The following TMEM26 variants were observed in gnomAD, a reference collection of about 807,000 sequenced individuals.
The protein encoded by TMEM26 is transmembrane protein 26.
In TMEM26, 38 loss-of-function variants were observed where a neutral mutation model predicts 28.8. The observed-to-expected ratio is 1.32, with a 90% CI of 1.02 to 1.73. The LOEUF is 1.73. Ranked by LOEUF, TMEM26 falls within the 40% of genes most tolerant of loss-of-function variation. The pLI is 0.00. For synonymous variants in TMEM26, 227 were observed against 182.9 expected (o/e 1.24, Z -1.95); for missense variants, 518 against 447.1 (o/e 1.16, Z -1.43).
intron 5 of TMEM26, among the ~76,000 whole-genome samples, 199 bp from the exon 6 acceptor site, chr10:61,410,945 G>C (rs117209081): frequency 6.6e-6 from 1 of 152,104 alleles, no homozygotes; most frequent in Non-Finnish European, 1.5e-5. Flanking sequence ...CCTGTGACTC[G>C]CATCCACATA....
chr10:61,410,136 A>T lies in TMEM26; in HGVS notation c.*186T>A, dbSNP rs1839543933. On this transcript the variant is annotated 3_prime_UTR_variant, in exon 6 of 6. Transcript: ENST00000399298. ...ACCATCACACAGAAGTTGTAGCAAT[A>T]GTCACTAATCAAAGTTCCTTCTATT... 1 of 611,072 alleles carries T rather than the reference A, an allele frequency of 1.6e-6. No individual in the cohort carries two copies. Among genetic ancestry groups the T allele is most frequent in the Admixed American group, 3.0e-5 (1 of 33,242 alleles). The allele number at this position is 611,072 out of a possible 1,614,324, so 37.9% of individuals were successfully genotyped here. A position where few individuals can be genotyped will look rare whatever the true frequency, so the allele number is the denominator to read the frequency against.
Position 61,409,503 on chromosome 10 carries a change from T to G in TMEM26, c.*819A>C, listed in dbSNP as rs1461865382. 2.0e-5 allele frequency: 3 copies of G among 152,194 alleles called. No individual in the cohort carries two copies. Among genetic ancestry groups the G allele is most frequent in the Non-Finnish European group, 4.4e-5 (3 of 68,058 alleles). 9.4% of individuals were successfully genotyped at this position (152,194 alleles called of 1,614,324 possible). A position where few individuals can be genotyped will look rare whatever the true frequency, so the allele number is the denominator to read the frequency against. On this transcript the variant is annotated 3_prime_UTR_variant, in exon 6 of 6. Transcript: ENST00000399298. ...CAGAGCTTCCCTGCATCAGCCCACA[T>G]GATTCAACTTGGCAATATAGAAAAT...
At chr10:61,412,435 A>T (rs868216823) in intron 5 of TMEM26, among the ~76,000 whole-genome samples, 1 of 152,180 alleles carries the variant, frequency 6.6e-6, no homozygotes, top group African/African-American at 2.4e-5. Flanking sequence ...ACCAAAAAAG[A>T]TGGAGAAAAA....
At chr10:61,429,227 C>A in intron 3 of TMEM26, 81 bp from the exon 4 acceptor site, 1 of 1,206,520 alleles carries the variant, frequency 8.3e-7, no homozygotes, top group South Asian at 1.3e-5. Flanking sequence ...TGCTTTCAAT[C>A]AAGAGTTTGC....
chr10:61,447,538 G>T (rs1840204685), intron 1 of TMEM26, among the ~76,000 whole-genome samples: 2 of 152,256 alleles, frequency 1.3e-5, no homozygotes, highest in African/African-American at 4.8e-5. Context: ...TCTGTTTTCA[G>T]CTGTGAGCCA....
chr10:61,432,714 G>A (rs541147400), intron 2 of TMEM26, among the ~76,000 whole-genome samples: 1 of 151,876 alleles, frequency 6.6e-6, no homozygotes. Flanking sequence ...ATACATCGTC[G>A]ACTATTCTAT....
rs1289981125 is a variant in TMEM26 at position 61,409,357 on chromosome 10, G to C, written c.*965C>G. ...AACCCTCCATCACCATGTTCCCTGA[G>C]AGCAAAGGCCACTTCCAGTAGTCGC... On this transcript the variant is annotated 3_prime_UTR_variant, in exon 6 of 6. Transcript: ENST00000399298. The C allele has an allele frequency of 2.0e-5, 3 of 152,198 alleles. No individual in the cohort carries two copies. Among genetic ancestry groups the C allele is most frequent in the African/African-American group, 7.2e-5 (3 of 41,416 alleles). The allele number at this position is 152,198 out of a possible 1,614,324, so 9.4% of individuals were successfully genotyped here.
At chr10:61,430,532 T>C (rs1185709601) in intron 3 of TMEM26, among the ~76,000 whole-genome samples, 1 of 151,198 alleles carries the variant, frequency 6.6e-6, no homozygotes, top group Non-Finnish European at 1.5e-5. Flanking sequence ...CTGTTCACAG[T>C]TGACATAATT....
intron 4 of TMEM26, chr10:61,414,856 A>T: frequency 2.9e-6 from 1 of 343,370 alleles, no homozygotes; most frequent in Non-Finnish European, 4.1e-6. Context: ...TTGATGACAG[A>T]CATTCAGATT....
chr10:61,449,575 G>A (rs904046464), intron 1 of TMEM26, among the ~76,000 whole-genome samples: 10 of 152,150 alleles, frequency 6.6e-5, no homozygotes, highest in African/African-American at 2.2e-4. Context: ...GATTGGACTC[G>A]TTTGGGTCCA....
chr10:61,439,971 G>A (rs1368195027), intron 1 of TMEM26, among the ~76,000 whole-genome samples: 1 of 152,176 alleles, frequency 6.6e-6, no homozygotes, highest in African/African-American at 2.4e-5. Context: ...CGTGCACAGT[G>A]CCTCATGCCT....
rs199585485 is a variant in TMEM26, at chr10:61,443,507, T to C, written c.192-7259A>G. On this transcript the variant is annotated intron_variant, in intron 1 of 5. Transcript: ENST00000399298. ...CAAGATCGGTGGATAGGTTTGTTTATTCAGTGATCTTAAGGATAGACCAGA... is the reference window on the plus strand; with the variant it reads ...CAAGATCGGTGGATAGGTTTGTTTACTCAGTGATCTTAAGGATAGACCAGA... Among the ~76,000 whole-genome samples, 4 of 151,028 alleles carry C rather than the reference T, an allele frequency of 2.6e-5. No homozygotes were observed. The East Asian group carries it at 7.8e-4, about 29-fold the overall frequency.
At chr10:61,450,936 A>G (rs1840267862) in intron 1 of TMEM26, among the ~76,000 whole-genome samples, 1 of 152,336 alleles carries the variant, frequency 6.6e-6, no homozygotes, top group South Asian at 2.1e-4. Flanking sequence ...TTGCTTTCTT[A>G]TTCATCACCA....
At chr10:61,413,662 A>G (rs1839606378) in intron 4 of TMEM26, 127 bp from the exon 5 acceptor site, 3 of 1,335,002 alleles carry the variant, frequency 2.2e-6, no homozygotes, top group East Asian at 5.5e-5. Flanking sequence ...TGGTGATTTA[A>G]TAAATCAATG....
At chr10:61,438,438 A>T (rs1356534194) in intron 1 of TMEM26, among the ~76,000 whole-genome samples, 2 of 152,172 alleles carry the variant, frequency 1.3e-5, no homozygotes, top group Admixed American at 6.5e-5. Context: ...GGAGACATGA[A>T]ATGTTGGCTG....
intron 2 of TMEM26, among the ~76,000 whole-genome samples, chr10:61,434,995 T>A (rs915600981): frequency 3.9e-5 from 6 of 152,184 alleles, no homozygotes; most frequent in African/African-American, 1.4e-4. Flanking sequence ...TGTAACATAG[T>A]CCTGTAACCT....
At chr10:61,435,094 T>A (rs1050196228) in intron 2 of TMEM26, among the ~76,000 whole-genome samples, 2 of 152,202 alleles carry the variant, frequency 1.3e-5, no homozygotes. Context: ...AGTATATGAC[T>A]GCACTCAACC....
At chr10:61,445,488 C>T (rs1316667459) in intron 1 of TMEM26, among the ~76,000 whole-genome samples, 1 of 152,044 alleles carries the variant, frequency 6.6e-6, no homozygotes, top group Non-Finnish European at 1.5e-5. Flanking sequence ...TCTTTGAGGT[C>T]AGTCAGACAA....
chr10:61,418,233 C>T (rs61850625), intron 4 of TMEM26, among the ~76,000 whole-genome samples: 14,458 of 151,944 alleles, frequency 0.095, 849 homozygotes, highest in East Asian at 0.21. Context: ...GTACTGGAGA[C>T]TGTTAGGATG....
Sources: allele counts gnomAD v4.1 joint callset (sites outside exome capture counted in the v4.1 genomes callset), GRCh38; gene constraint gnomAD v4.1.1; transcripts MANE v1.5; gene names NCBI Gene and HGNC (gene_info 2026-07-23, HGNC 2026-07-21).